The following MDN1 variants were observed in gnomAD, a reference collection of about 807,000 sequenced individuals.
The protein encoded by MDN1 is midasin AAA ATPase 1.
A neutral mutation model predicts 669.2 loss-of-function variants in MDN1; 266 were observed. That is an observed-to-expected ratio of 0.40 (90% CI 0.36 to 0.44). The LOEUF is 0.44. MDN1 is among the 20% of genes least tolerant of loss of function. The pLI, the probability that MDN1 is intolerant of heterozygous loss-of-function variation, is 1.00. For missense variants in MDN1, 5,940 were observed against 6,754.0 expected, an observed-to-expected ratio of 0.88 and a Z score of 4.22; for synonymous variants, 2,385 against 2,457.1, an observed-to-expected ratio of 0.97 and a Z score of 0.87.
rs1407744264 is a variant in MDN1, at chr6:89,727,958, T to C, written c.5350-3A>G. ...GCTCCAAACAGGTCTGTGATGTCCT[T>C]TGAAAGGGGAAGAAATGGAAAGAAG... is the stretch of plus-strand genomic sequence containing the variant. On this transcript the variant is annotated splice_region_variant and splice_polypyrimidine_tract_variant and intron_variant, in intron 36 of 101. Coordinates refer to ENST00000369393, the MANE Select transcript of MDN1 (RefSeq NM_014611.3). 6.2e-7 allele frequency: 1 copy of C among 1,603,556 alleles called. No homozygotes were observed. The highest frequency in any genetic ancestry group is 8.5e-7 in the Non-Finnish European group (1 of 1,175,882).
intron 8 of MDN1, among the ~76,000 whole-genome samples, chr6:89,786,832 G>T (rs1818986482): frequency 6.7e-6 from 1 of 149,422 alleles, no homozygotes; most frequent in Non-Finnish European, 1.5e-5. Flanking sequence ...GGCTGAGGTA[G>T]GAGAATCGCT....
chr6:89,677,761 C>A, intron 75 of MDN1, 65 bp from the exon 76 acceptor site: 1 of 1,604,826 alleles, frequency 6.2e-7, no homozygotes. Context: ...GCCCCCCTCT[C>A]CCCTGCTACT....
At chr6:89,743,344 C>T (rs1158247842) in intron 30 of MDN1, 64 bp from the exon 31 acceptor site, 1 of 1,592,726 alleles carries the variant, frequency 6.3e-7, no homozygotes, top group African/African-American at 1.3e-5. Context: ...ATACATGCAG[C>T]TGGCTGGTGT....
chr6:89,802,158 G>A (rs922761879), intron 2 of MDN1, among the ~76,000 whole-genome samples: 4 of 152,116 alleles, frequency 2.6e-5, no homozygotes, highest in African/African-American at 9.7e-5. Context: ...GAGAAAGCCA[G>A]GAACGTTCTC....
intron 1 of MDN1, among the ~76,000 whole-genome samples, chr6:89,809,755 G>A (rs569843781): frequency 2.1e-5 from 3 of 145,314 alleles, no homozygotes; most frequent in African/African-American, 7.8e-5. Context: ...AAGCCTGGGT[G>A]CCAGAGCAAG....
chr6:89,732,790 C>T lies in MDN1; in HGVS notation c.4724-15G>A. 1 of 1,603,374 alleles carries T rather than the reference C, an allele frequency of 6.2e-7. No homozygotes were observed. Among genetic ancestry groups the T allele is most frequent in the Non-Finnish European group, 8.5e-7 (1 of 1,176,140 alleles). On this transcript the variant is annotated splice_polypyrimidine_tract_variant and intron_variant, in intron 33 of 101. Transcript: ENST00000369393. The stretch of plus-strand genomic sequence containing the variant: ...TATGTCAGACCCTAAACACAAGAAA[C>T]AAAAAAAGCATTTGCTGTTAACGGG...
At chr6:89,803,604 C>CTGTGTCTCAAA in intron 1 of MDN1, 50 bp from the exon 2 acceptor site, 1 of 1,229,840 alleles carries the variant, frequency 8.1e-7, no homozygotes, top group Non-Finnish European at 1.2e-6. Context: ...TTTTTTGAGA[C>CTGTGTCTCAAA]ACAGTCTCGC....
At position 89,812,877 on chromosome 6, in the gene MDN1, T is replaced by C. The variant is rs562667468; in HGVS notation, c.102+6629A>G. On this transcript the variant is annotated intron_variant, in intron 1 of 101. Coordinates refer to ENST00000369393, the MANE Select transcript of MDN1 (RefSeq NM_014611.3). ...ACTTTGGTAGGCCAAGGTGGGAGGATAGCTTGAGCCCAAGAGTTCAAGACC... is the reference window on the plus strand; with the variant it reads ...ACTTTGGTAGGCCAAGGTGGGAGGACAGCTTGAGCCCAAGAGTTCAAGACC... Among the ~76,000 whole-genome samples, 33 of 152,174 alleles carry C rather than the reference T, an allele frequency of 2.2e-4. No homozygotes were observed. The South Asian group carries it at 2.9e-3, about 13-fold the overall frequency.
Position 89,774,707 on chromosome 6 carries a change from T to C in MDN1, c.1848A>G (p.Lys616=). 1 of 1,613,374 alleles carries C rather than the reference T, an allele frequency of 6.2e-7. No homozygotes were observed. The highest frequency in any genetic ancestry group is 1.1e-5 in the South Asian group (1 of 91,058). The change falls in exon 13 of 102, where the codon AAA becomes AAG. Residue 616 remains lysine, a synonymous_variant. Coordinates refer to ENST00000369393, the MANE Select transcript of MDN1 (RefSeq NM_014611.3). ...KKAEFFCQLY[K]PEIVINELDL... ...CTAGCTCATTGATCACAATTTCTGGTTTATAAAGTTGACAAAAGAATTCAG... is the reference window on the plus strand; with the variant it reads ...CTAGCTCATTGATCACAATTTCTGGCTTATAAAGTTGACAAAAGAATTCAG...
chr6:89,716,956 AAC>A lies in MDN1; in HGVS notation c.6584-149_6584-148del, dbSNP rs542476654. ...TAGAAGAATGTTTTGCTTCTGTTTA[AAC>A]ACAGATAGGAAAGTTAAGTTTAAGA... On this transcript the variant is annotated intron_variant, in intron 43 of 101. Coordinates refer to ENST00000369393, the MANE Select transcript of MDN1 (RefSeq NM_014611.3). 848 of 928,238 alleles carry A rather than the reference AAC, an allele frequency of 9.1e-4. 2 individuals carry two copies. Among genetic ancestry groups the A allele is most frequent in the Non-Finnish European group, 1.2e-3 (781 of 652,778 alleles). 57.5% of individuals were successfully genotyped at this position (928,238 alleles called of 1,614,324 possible).
Position 89,794,152 on chromosome 6 carries a change from A to C in MDN1, c.610T>G (p.Ser204Ala). ...VTCMNEEHKL[S>A]FLKKIFNSDE... The stretch of plus-strand genomic sequence containing the variant: ...CTATTAAATATCTTCTTAAGAAATG[A>C]TAACTTGTGCTCTTCATTCATACAG... The change falls in exon 4 of 102, where the codon TCA becomes GCA. Residue 204 changes from serine to alanine, a missense_variant. Coordinates refer to ENST00000369393, the MANE Select transcript of MDN1 (RefSeq NM_014611.3). 1 of 1,604,570 alleles carries C rather than the reference A, an allele frequency of 6.2e-7. No homozygotes were observed. Among genetic ancestry groups the C allele is most frequent in the Non-Finnish European group, 8.5e-7 (1 of 1,177,448 alleles).
chr6:89,803,064 A>C (rs1289004415), intron 2 of MDN1, among the ~76,000 whole-genome samples: 1 of 152,162 alleles, frequency 6.6e-6, no homozygotes, highest in Admixed American at 6.6e-5. Context: ...ACATGATACA[A>C]TCCTTGAGAG....
chr6:89,674,666 T>C, intron 78 of MDN1, 77 bp from the exon 79 acceptor site: 1 of 1,482,136 alleles, frequency 6.7e-7, no homozygotes, highest in Non-Finnish European at 8.9e-7. Context: ...TAAAAGAAAT[T>C]TGTGTTTCTG....
rs1381186641 is a variant in MDN1 at position 89,727,964 on chromosome 6, GGGGA to G, written c.5350-13_5350-10del. The G allele has an allele frequency of 6.3e-7, 1 of 1,598,272 alleles. No homozygotes were observed. The highest frequency in any genetic ancestry group is 1.8e-5 in the Admixed American group (1 of 55,538). On this transcript the variant is annotated splice_polypyrimidine_tract_variant and intron_variant, in intron 36 of 101. Transcript: ENST00000369393. ...AACAGGTCTGTGATGTCCTTTGAAA[GGGGA>G]AGAAATGGAAAGAAGCCATTATTAC...
chr6:89,747,590 C>T, intron 26 of MDN1, 120 bp from the exon 27 acceptor site: 1 of 1,188,566 alleles, frequency 8.4e-7, no homozygotes, highest in East Asian at 2.6e-5. Flanking sequence ...TTTCATTCCA[C>T]TGAATAAGAT....
intron 53 of MDN1, among the ~76,000 whole-genome samples, chr6:89,702,572 C>A (rs1273897102): frequency 2.0e-5 from 3 of 152,202 alleles, no homozygotes; most frequent in African/African-American, 7.2e-5. Context: ...AAAGTTCTTA[C>A]TGGGCATTCA....
In MDN1 at chr6:89,743,248, C is replaced by A. The variant is rs781147878; in HGVS notation, c.4350G>T (p.Trp1450Cys). 3.7e-6 allele frequency: 6 copies of A among 1,614,058 alleles called. No individual in the cohort carries two copies. The South Asian group carries it at 5.5e-5, about 15-fold the overall frequency. The change falls in exon 31 of 102, where the codon TGG becomes TGT. Residue 1450 changes from tryptophan (W) to cysteine (C), a missense_variant. By Grantham distance (215) the Trp-to-Cys change is radical. Transcript: ENST00000369393. ...TGGCCTGAACCAGAGGCCCATCATG[C>A]CACTCAAAGAGTCTTGATGTGTCAA... ...EEIDTSRLFE[W>C]HDGPLVQAMK...
chr6:89,670,164 A>ATTTTTTTTT (rs1234314950), intron 83 of MDN1, among the ~76,000 whole-genome samples: 3 of 18,268 alleles, frequency 1.6e-4, no homozygotes, highest in African/African-American at 5.1e-4. Context: ...ATATATATAT[A>ATTTTTTTTT]TATATATTTT....
chr6:89,791,875 ATTTTTTTTTTTT>A (rs66492732), intron 5 of MDN1, among the ~76,000 whole-genome samples: 2 of 114,072 alleles, frequency 1.8e-5, no homozygotes, highest in Non-Finnish European at 3.4e-5. Flanking sequence ...AAAACTTTTA[ATTTTTTTTTTTT>A]TTTTTTTTTT....
Sources: gnomAD v4.1 joint callset for allele counts (sites outside exome capture counted in the v4.1 genomes callset) on GRCh38, gnomAD v4.1.1 for gene constraint, MANE v1.5 for transcripts, NCBI Gene and HGNC (gene_info 2026-07-23, HGNC 2026-07-21) for gene names.